SGPP2: variants seen among roughly 807,000 people sequenced by gnomAD.
SGPP2 encodes sphingosine 1-phosphate phosphohydrolase 2.
Under a neutral mutation model 33.9 loss-of-function variants are expected in SGPP2, and 30 were observed. That is an observed-to-expected ratio of 0.89 (90% CI 0.66 to 1.20). The LOEUF is 1.20. Ranked by LOEUF, SGPP2 falls within the 50% of genes most tolerant of loss-of-function variation. SGPP2 has a pLI of 0.00. For synonymous variants in SGPP2, 233 were observed against 225.0 expected (o/e 1.04, Z -0.32); for missense variants, 458 against 532.1 (o/e 0.86, Z 1.37).
intron 2 of SGPP2, among the ~76,000 whole-genome samples, chr2:222,519,274 C>T (rs779343809): frequency 1.5e-4 from 23 of 152,206 alleles, no homozygotes; most frequent in Non-Finnish European, 2.5e-4. Context: ...AATAGAGATT[C>T]TAATTTAGTA....
chr2:222,490,340 C>G (rs912148537), intron 2 of SGPP2, among the ~76,000 whole-genome samples: 3 of 152,268 alleles, frequency 2.0e-5, no homozygotes, highest in Admixed American at 1.3e-4. Flanking sequence ...CAAATCAAAA[C>G]CCAGGCAATG....
intron 4 of SGPP2, among the ~76,000 whole-genome samples, chr2:222,538,108 G>T (rs1286099945): frequency 6.6e-6 from 1 of 152,156 alleles, no homozygotes; most frequent in Non-Finnish European, 1.5e-5. Flanking sequence ...TGACCTCTGG[G>T]AAAGGCAAAG....
chr2:222,433,688 A>C (rs933945827), intron 1 of SGPP2, among the ~76,000 whole-genome samples: 1 of 62,672 alleles, frequency 1.6e-5, no homozygotes, highest in African/African-American at 5.6e-5. Context: ...TTGTAGCTTG[A>C]TGATTTTTTT....
At chr2:222,432,331 C>T (rs1057393556) in intron 1 of SGPP2, among the ~76,000 whole-genome samples, 4 of 152,192 alleles carry the variant, frequency 2.6e-5, no homozygotes, top group African/African-American at 7.2e-5. Flanking sequence ...TATTGTCACT[C>T]TCACCCACAG....
chr2:222,428,690 G>C (rs1164362735), intron 1 of SGPP2, among the ~76,000 whole-genome samples: 1 of 151,648 alleles, frequency 6.6e-6, no homozygotes, highest in Non-Finnish European at 1.5e-5. Flanking sequence ...AGGAGACCAG[G>C]ATCTAGTTTT....
chr2:222,472,995 C>CA (rs1697871057), intron 1 of SGPP2, among the ~76,000 whole-genome samples: 1 of 152,134 alleles, frequency 6.6e-6, no homozygotes. Flanking sequence ...GCCTGGGTGA[C>CA]AGAGCGAGAC....
In SGPP2 at chr2:222,476,149, TG is replaced by T. The variant is rs1697929540; in HGVS notation, c.378+1426del. ...AAATAGAGGTTCAGAAGCACTTGGT[TG>T]GGTATAAAAGAGAAGATTTTAGCAA... On this transcript the variant is annotated intron_variant, in intron 2 of 4. Coordinates refer to ENST00000321276, the MANE Select transcript of SGPP2 (RefSeq NM_152386.4). The surrounding 1 kb of genome is among the most constrained non-coding windows in gnomAD (Gnocchi z 4.3). Among the ~76,000 whole-genome samples, 1 of 152,134 alleles carries T rather than the reference TG, an allele frequency of 6.6e-6. No individual in the cohort carries two copies. The highest frequency in any genetic ancestry group is 6.5e-5 in the Admixed American group (1 of 15,272).
At chr2:222,455,492 G>C (rs1697559342) in intron 1 of SGPP2, among the ~76,000 whole-genome samples, 1 of 152,188 alleles carries the variant, frequency 6.6e-6, no homozygotes, top group African/African-American at 2.4e-5. Flanking sequence ...AGGAGAGGCA[G>C]GGAGGTAGGA....
intron 1 of SGPP2, among the ~76,000 whole-genome samples, chr2:222,470,960 CTCGG>C (rs1280613007): frequency 1.3e-5 from 2 of 152,250 alleles, no homozygotes; most frequent in Admixed American, 6.5e-5. Context: ...CTTAACTTGT[CTCGG>C]ACCCTTGTCC....
rs1390373167 is a variant in SGPP2, at chr2:222,476,951, G to A, written c.378+2225G>A. ...TTGGAGTATATAGGTGTGTATGTATGTATGTATAGTGTGTATATGTGTATA... is the reference window on the plus strand; with the variant it reads ...TTGGAGTATATAGGTGTGTATGTATATATGTATAGTGTGTATATGTGTATA... On this transcript the variant is annotated intron_variant, in intron 2 of 4. Coordinates refer to ENST00000321276, the MANE Select transcript of SGPP2 (RefSeq NM_152386.4). This position sits in a 1 kb window ranked among gnomAD's most constrained non-coding sequence, Gnocchi z 4.3. Among the ~76,000 whole-genome samples, 2 of 151,144 alleles carry A rather than the reference G, an allele frequency of 1.3e-5. No individual in the cohort carries two copies. Among genetic ancestry groups the A allele is most frequent in the African/African-American group, 4.9e-5 (2 of 41,164 alleles).
intron 2 of SGPP2, among the ~76,000 whole-genome samples, chr2:222,510,672 C>T (rs867438408): frequency 6.6e-6 from 1 of 152,060 alleles, no homozygotes; most frequent in Non-Finnish European, 1.5e-5. Flanking sequence ...CTTGGTGCTC[C>T]GTTCATCCTG....
chr2:222,543,232 A>G (rs751075482), intron 4 of SGPP2, among the ~76,000 whole-genome samples: 5 of 152,186 alleles, frequency 3.3e-5, no homozygotes, highest in African/African-American at 4.8e-5. Flanking sequence ...TCTACATTGA[A>G]TTGATCTGTG....
At chr2:222,493,791 A>G (rs905544448) in intron 2 of SGPP2, among the ~76,000 whole-genome samples, 12 of 152,224 alleles carry the variant, frequency 7.9e-5, no homozygotes, top group Non-Finnish European at 1.6e-4. Flanking sequence ...CCTAAAATTA[A>G]TGATCTCTTT....
intron 1 of SGPP2, 120 bp downstream of exon 1, chr2:222,424,941 C>T: frequency 1.3e-6 from 1 of 788,938 alleles, no homozygotes; most frequent in Non-Finnish European, 1.7e-6. Context: ...GGCAGTGACC[C>T]GGCTCCCGCC....
In SGPP2 at chr2:222,543,989, T is replaced by C. The variant is rs183757862; in HGVS notation, c.649-14358T>C. 4.5e-3 allele frequency among the ~76,000 whole-genome samples: 689 copies of C among 152,358 alleles called. 2 individuals carry two copies. The highest frequency in any genetic ancestry group is 7.0e-3 in the Non-Finnish European group (479 of 68,022). ...TGGCACATCCCTCTATTTAGGTCTT[T>C]AGTTTATCTTATTAATGTTGTTTTC... is the stretch of plus-strand genomic sequence containing the variant. On this transcript the variant is annotated intron_variant, in intron 4 of 4. Coordinates refer to ENST00000321276, the MANE Select transcript of SGPP2 (RefSeq NM_152386.4).
Position 222,532,231 on chromosome 2 carries a change from G to A in SGPP2, c.648+7198G>A, listed in dbSNP as rs529226047. 9.9e-5 allele frequency among the ~76,000 whole-genome samples: 15 copies of A among 151,940 alleles called. No individual in the cohort carries two copies. In the East Asian group the frequency reaches 2.1e-3, roughly 22 times the overall value. ...GGAGTTTGCAGTGAGCCGAGATCGC[G>A]CCATTGCACTTGAGCCTGGGCAACA... On this transcript the variant is annotated intron_variant, in intron 4 of 4. Coordinates refer to ENST00000321276, the MANE Select transcript of SGPP2 (RefSeq NM_152386.4).
In SGPP2 at chr2:222,429,261, G is replaced by A. The variant is rs115931957; in HGVS notation, c.219+4440G>A. Among the ~76,000 whole-genome samples, 643 of 152,314 alleles carry A rather than the reference G, an allele frequency of 4.2e-3. 6 individuals are homozygous for A. The highest frequency in any genetic ancestry group is 0.015 in the African/African-American group (610 of 41,570). ...CTGACCAACAAAGTTGGGAAGCTCT[G>A]AGTTCTCTTCTCCTGGGACCCACCA... On this transcript the variant is annotated intron_variant, in intron 1 of 4. Coordinates refer to ENST00000321276, the MANE Select transcript of SGPP2 (RefSeq NM_152386.4).
At chr2:222,543,613 T>C (rs891979691) in intron 4 of SGPP2, among the ~76,000 whole-genome samples, 4 of 152,264 alleles carry the variant, frequency 2.6e-5, no homozygotes, top group Non-Finnish European at 4.4e-5. Context: ...CTTATTGTAC[T>C]GTATTCACCT....
At chr2:222,450,574 A>G (rs1341682878) in intron 1 of SGPP2, among the ~76,000 whole-genome samples, 1 of 152,236 alleles carries the variant, frequency 6.6e-6, no homozygotes, top group Non-Finnish European at 1.5e-5. Flanking sequence ...GGTTTCATCC[A>G]GGATCCGCAA....
Sources: allele counts gnomAD v4.1 joint callset (sites outside exome capture counted in the v4.1 genomes callset), GRCh38; gene constraint gnomAD v4.1.1; non-coding constraint Gnocchi (gnomAD v3.1); transcripts MANE v1.5; gene names NCBI Gene and HGNC (gene_info 2026-07-23, HGNC 2026-07-21).